The following NTRK1 variants were observed in gnomAD, a reference collection of about 807,000 sequenced individuals.
NTRK1 encodes the protein high affinity nerve growth factor receptor.
A neutral mutation model predicts 86.8 loss-of-function variants in NTRK1; 62 were observed. That is an observed-to-expected ratio of 0.71 (90% CI 0.58 to 0.88). The LOEUF is 0.88. Among genes scored for constraint, NTRK1 ranks in the 40% least tolerant of loss-of-function variants. NTRK1 has a pLI of 0.00. For synonymous variants in NTRK1, 469 were observed against 456.6 expected, an observed-to-expected ratio of 1.03 and a Z score of -0.35; for missense variants, 967 against 1,078.4, an observed-to-expected ratio of 0.90 and a Z score of 1.45.
chr1:156,859,577 C>A (rs1203262094), upstream of NTRK1, among the ~76,000 whole-genome samples: 1 of 152,140 alleles, frequency 6.6e-6, no homozygotes, highest in Non-Finnish European at 1.5e-5. The surrounding 1 kb of genome is among the most constrained non-coding windows in gnomAD (Gnocchi z 6.2). Flanking sequence ...TCTTTGGAGA[C>A]CCCTTAGCGC....
Position 156,867,967 on chromosome 1 carries a change from G to A in NTRK1, c.429-137G>A, listed in dbSNP as rs1647269976. ...TTTCTTTGAATAACATCCTGTTACTGGAGTCAGAGAGAAAGACCTCTGTGT... is the reference window on the plus strand; with the variant it reads ...TTTCTTTGAATAACATCCTGTTACTAGAGTCAGAGAGAAAGACCTCTGTGT... On this transcript the variant is annotated intron_variant, in intron 4 of 16. Coordinates refer to ENST00000524377, the MANE Select transcript of NTRK1 (RefSeq NM_002529.4). The A allele has an allele frequency of 2.2e-5, 21 of 953,126 alleles. No homozygotes were observed. The South Asian group carries it at 2.3e-4, about 10-fold the overall frequency. 59.0% of individuals were successfully genotyped at this position (953,126 alleles called of 1,614,324 possible).
At chr1:156,841,185 G>T (rs866272465) in intron 1 of NTRK1, 1 of 1,162,192 alleles carries the variant, frequency 8.6e-7, no homozygotes, top group Admixed American at 2.0e-5. Context: ...GGGTCAGTTG[G>T]TGGGAGTGGG....
At chr1:156,868,057 C>A (rs1209995800) in intron 4 of NTRK1, 47 bp from the exon 5 acceptor site, 2 of 1,610,708 alleles carry the variant, frequency 1.2e-6, no homozygotes, top group South Asian at 2.2e-5. Context: ...CCCTGTGATC[C>A]CTCAGGCCCT....
rs114004093 is a variant in NTRK1 at position 156,815,954 on chromosome 1, G to T, written c.-64+116G>T. The T allele has an allele frequency of 3.7e-4, 578 of 1,567,740 alleles. 1 individual carries two copies. The African/African-American group carries it at 6.7e-3, about 18-fold the overall frequency. ...TCTGCAAGTCCTTCCCCATGGGAGGGTGGGAGAGATGAGGGAGCTGCACCA... is the reference window on the plus strand; with the variant it reads ...TCTGCAAGTCCTTCCCCATGGGAGGTTGGGAGAGATGAGGGAGCTGCACCA... On this transcript the variant is annotated intron_variant, in intron 1 of 16. Transcript: ENST00000392302.
Position 156,860,965 on chromosome 1 carries a change from G to T in NTRK1, c.31G>T (p.Gly11Cys). 1 of 1,513,790 alleles carries T rather than the reference G, an allele frequency of 6.6e-7. No individual in the cohort carries two copies. The highest frequency in any genetic ancestry group is 8.8e-7 in the Non-Finnish European group (1 of 1,138,718). 93.8% of individuals were successfully genotyped at this position (1,513,790 alleles called of 1,614,324 possible). Reference sequence around the variant, plus strand: ...GCGAGGCGGACGGCGCGGGCAGCTTGGCTGGCACAGCTGGGCTGCGGGGCC... The same window carrying T: ...GCGAGGCGGACGGCGCGGGCAGCTTTGCTGGCACAGCTGGGCTGCGGGGCC... MLRGGRRGQL[G>C]WHSWAAGPGS... The change falls in exon 1 of 17, where the codon GGC (glycine) becomes TGC (cysteine). Residue 11 changes from glycine (G) to cysteine (C), a missense_variant. Gly to Cys is a radical substitution (Grantham distance 159). This residue lies in a region of NTRK1 where 330 missense variants were observed against 302.0 expected (regional missense o/e 1.09). Transcript: ENST00000524377.
intron 6 of NTRK1, among the ~76,000 whole-genome samples, chr1:156,869,521 G>A (rs1301174439): frequency 1.3e-5 from 2 of 152,148 alleles, no homozygotes; most frequent in Non-Finnish European, 2.9e-5. Flanking sequence ...TGTGATGAAC[G>A]TATTAGTAAG....
At chr1:156,848,958 G>C (rs778994154) in intron 2 of NTRK1, 19 of 1,600,460 alleles carry the variant, frequency 1.2e-5, no homozygotes, top group Non-Finnish European at 1.6e-5. Flanking sequence ...AGCAGGTCGC[G>C]GGCCTCCAGT....
intron 2 of NTRK1, chr1:156,849,513 G>GGGGGGGGGGA: frequency 2.1e-6 from 1 of 486,122 alleles, no homozygotes; most frequent in East Asian, 5.4e-5. Flanking sequence ...CAGGGGGTGG[G>GGGGGGGGGGA]AAAGGGGATG....
At chr1:156,832,206 C>T (rs1040885365) in intron 1 of NTRK1, among the ~76,000 whole-genome samples, 6 of 152,126 alleles carry the variant, frequency 3.9e-5, no homozygotes, top group African/African-American at 1.4e-4. Flanking sequence ...ATTTTCTTTC[C>T]CTTCTGTACT....
chr1:156,824,672 G>A (rs1448448330), intron 1 of NTRK1, among the ~76,000 whole-genome samples: 2 of 152,146 alleles, frequency 1.3e-5, no homozygotes, highest in Non-Finnish European at 2.9e-5. Context: ...CTATTTTTCA[G>A]AGTGTAATTC....
At chr1:156,842,219 C>T in intron 2 of NTRK1, 3 of 1,614,068 alleles carry the variant, frequency 1.9e-6, no homozygotes, top group Non-Finnish European at 2.5e-6. Flanking sequence ...TGCAATCTCA[C>T]CAGCCATTTG....
chr1:156,827,116 T>C (rs1369919557), intron 1 of NTRK1, among the ~76,000 whole-genome samples: 1 of 151,544 alleles, frequency 6.6e-6, no homozygotes, highest in Admixed American at 6.6e-5. Context: ...AGGATCTCTC[T>C]CTGTCACTCA....
At chr1:156,842,217 C>T (rs759993634) in intron 2 of NTRK1, 2 of 1,614,074 alleles carry the variant, frequency 1.2e-6, no homozygotes, top group South Asian at 2.2e-5. Flanking sequence ...TCTGCAATCT[C>T]ACCAGCCATT....
At chr1:156,853,727 A>C (rs372561093) in intron 2 of NTRK1, 3 of 1,574,174 alleles carry the variant, frequency 1.9e-6, no homozygotes, top group Non-Finnish European at 2.6e-6. Flanking sequence ...CCTTCCCTAC[A>C]TTCATGTTCT....
intron 1 of NTRK1, among the ~76,000 whole-genome samples, chr1:156,838,410 G>A (rs1654653126): frequency 6.6e-6 from 1 of 151,740 alleles, no homozygotes; most frequent in South Asian, 2.1e-4. Context: ...CTGAATCTGG[G>A]GAAGAGGAGG....
At chr1:156,827,520 C>T (rs1355336684) in intron 1 of NTRK1, among the ~76,000 whole-genome samples, 3 of 152,114 alleles carry the variant, frequency 2.0e-5, no homozygotes, top group African/African-American at 7.2e-5. Context: ...CCTCGGCCTC[C>T]CCAAATGCTG....
In NTRK1 at chr1:156,823,327, G is replaced by A. The variant is rs933543601; in HGVS notation, c.-64+7489G>A. Among the ~76,000 whole-genome samples, 3 of 152,188 alleles carry A rather than the reference G, an allele frequency of 2.0e-5. No individual in the cohort carries two copies. The East Asian group carries it at 5.8e-4, about 29-fold the overall frequency. Reference sequence around the variant, plus strand: ...GAGGAGAAGGCTCCAACTCCACAAAGGGGTTTTCCCCAGATGGTGCCTTCC... The same window carrying A: ...GAGGAGAAGGCTCCAACTCCACAAAAGGGTTTTCCCCAGATGGTGCCTTCC... On this transcript the variant is annotated intron_variant, in intron 1 of 16. Transcript: ENST00000392302.
chr1:156,821,921 A>G (rs759864452), intron 1 of NTRK1, among the ~76,000 whole-genome samples: 8 of 152,166 alleles, frequency 5.3e-5, no homozygotes, highest in Non-Finnish European at 8.8e-5. Context: ...GCCAGATGCC[A>G]TGGCCCATGT....
At chr1:156,816,140 T>C (rs1377624612) in intron 1 of NTRK1, 1 of 1,568,630 alleles carries the variant, frequency 6.4e-7, no homozygotes, top group South Asian at 1.2e-5. Context: ...AGAGGAACTA[T>C]GTCTGTCTCT....
Sources: allele counts gnomAD v4.1 joint callset (sites outside exome capture counted in the v4.1 genomes callset), GRCh38; gene constraint gnomAD v4.1.1; regional missense constraint gnomAD v4.1.1; non-coding constraint Gnocchi (gnomAD v3.1); transcripts MANE v1.5; gene names NCBI Gene and HGNC (gene_info 2026-07-23, HGNC 2026-07-21).